MAPKAPK5: variants seen among roughly 807,000 people sequenced by gnomAD.
MAPKAPK5 encodes the protein MAPK activated protein kinase 5, also known as MAP kinase-activated protein kinase 5.
In MAPKAPK5, 30 loss-of-function variants were observed where a neutral mutation model predicts 65.1. The observed-to-expected ratio is 0.46, with a 90% CI of 0.34 to 0.63. The LOEUF is 0.63. MAPKAPK5 is among the 20% of genes least tolerant of loss of function. The probability of loss-of-function intolerance (pLI) is 0.01; values close to 1 mark genes in which losing one functional copy is unlikely to be tolerated. For missense variants in MAPKAPK5, 433 were observed against 581.4 expected (o/e 0.74, Z 2.63); for synonymous variants, 179 against 204.6 (o/e 0.87, Z 1.07).
intron 1 of MAPKAPK5, among the ~76,000 whole-genome samples, chr12:111,850,753 G>A (rs772318409): frequency 1.1e-4 from 16 of 152,308 alleles, no homozygotes; most frequent in Admixed American, 2.0e-4. Flanking sequence ...GTTAACTGCC[G>A]TTTTGTGTAA....
chr12:111,862,379 G>C (rs1056734544), intron 1 of MAPKAPK5, among the ~76,000 whole-genome samples: 3 of 152,168 alleles, frequency 2.0e-5, no homozygotes, highest in Non-Finnish European at 4.4e-5. Context: ...TTTCTTGGCT[G>C]TCCATCAGGT....
chr12:111,850,777 T>A (rs1218400264), intron 1 of MAPKAPK5, among the ~76,000 whole-genome samples: 1 of 152,214 alleles, frequency 6.6e-6, no homozygotes, highest in Admixed American at 6.5e-5. Flanking sequence ...CAGTCAAGTT[T>A]ATGATCAGGA....
At position 111,896,514 on chromosome 12, in the gene MAPKAPK5, A is replaced by G. The variant is rs1486125527; in HGVS notation, c.*3453A>G. On this transcript the variant is annotated 3_prime_UTR_variant, in exon 14 of 14. Transcript: ENST00000550735. ...GTCCAGCAGTAAATTCTGCTTTAAC[A>G]TAACTGTCAGGTTTGCTACTCGAAA... is the stretch of plus-strand genomic sequence containing the variant. The G allele has an allele frequency of 2.6e-5, 4 of 152,234 alleles. No homozygotes were observed. Among genetic ancestry groups the G allele is most frequent in the Non-Finnish European group, 4.4e-5 (3 of 68,046 alleles). 9.4% of individuals were successfully genotyped at this position (152,234 alleles called of 1,614,324 possible). A position where few individuals can be genotyped will look rare whatever the true frequency, so the allele number is the denominator to read the frequency against.
intron 3 of MAPKAPK5, 94 bp downstream of exon 3, chr12:111,866,325 T>C (rs879027189): frequency 9.0e-7 from 1 of 1,114,532 alleles, no homozygotes; most frequent in Non-Finnish European, 1.3e-6. Context: ...AATACAGTGA[T>C]GCATAAAAAG....
At chr12:111,876,877 A>G (rs2069993292) in intron 7 of MAPKAPK5, among the ~76,000 whole-genome samples, 1 of 150,242 alleles carries the variant, frequency 6.7e-6, no homozygotes, top group Admixed American at 6.6e-5. Flanking sequence ...TGTTTTCCAT[A>G]GTGGTCATAC....
intron 7 of MAPKAPK5, among the ~76,000 whole-genome samples, chr12:111,876,321 T>C (rs561077733): frequency 3.3e-5 from 5 of 151,432 alleles, no homozygotes; most frequent in Admixed American, 1.3e-4. Context: ...AGGGTGAGGA[T>C]CAAAAAACTA....
At chr12:111,890,692 C>A (rs1239538025) in intron 13 of MAPKAPK5, among the ~76,000 whole-genome samples, 1 of 152,214 alleles carries the variant, frequency 6.6e-6, no homozygotes, top group African/African-American at 2.4e-5. Flanking sequence ...GAGTTTCACT[C>A]TGTCCCTCAG....
chr12:111,858,969 C>T (rs1453287744), intron 1 of MAPKAPK5, among the ~76,000 whole-genome samples: 1 of 147,044 alleles, frequency 6.8e-6, no homozygotes, highest in Non-Finnish European at 1.5e-5. Flanking sequence ...TTTTTTACTT[C>T]GTCATCAGTT....
At chr12:111,848,487 C>T (rs1179866298) in intron 1 of MAPKAPK5, among the ~76,000 whole-genome samples, 2 of 149,292 alleles carry the variant, frequency 1.3e-5, no homozygotes, top group African/African-American at 5.0e-5. Context: ...GATCTCGGCT[C>T]ACTGCAACCA....
Position 111,899,916 on chromosome 12 carries a change from C to T in MAPKAPK5, c.*6855C>T, listed in dbSNP as rs752127014. Reference sequence around the variant, plus strand: ...CTGGCAACAAGGGAGCAGGAAGCCTCATGATCTACAGGCACTGTCCTACTT... The same window carrying T: ...CTGGCAACAAGGGAGCAGGAAGCCTTATGATCTACAGGCACTGTCCTACTT... On this transcript the variant is annotated 3_prime_UTR_variant, in exon 14 of 14. Transcript: ENST00000550735. The T allele has an allele frequency of 2.2e-6, 1 of 456,082 alleles. No homozygotes were observed. Among genetic ancestry groups the T allele is most frequent in the Non-Finnish European group, 4.4e-6 (1 of 226,792 alleles). The allele number at this position is 456,082 out of a possible 1,614,324, so 28.3% of individuals were successfully genotyped here. A position where few individuals can be genotyped will look rare whatever the true frequency, so the allele number is the denominator to read the frequency against.
chr12:111,891,012 C>T (rs2070585151), intron 13 of MAPKAPK5, among the ~76,000 whole-genome samples: 1 of 152,142 alleles, frequency 6.6e-6, no homozygotes, highest in Admixed American at 6.5e-5. Context: ...TAGACTTATG[C>T]TCCAGGATGC....
chr12:111,887,003 CAGATT>C (rs1302940561), intron 10 of MAPKAPK5, among the ~76,000 whole-genome samples: 1 of 152,072 alleles, frequency 6.6e-6, no homozygotes, highest in Non-Finnish European at 1.5e-5. Flanking sequence ...ATAACATTGA[CAGATT>C]AGGAAGGAGG....
intron 2 of MAPKAPK5, 39 bp downstream of exon 2, chr12:111,865,362 C>T (rs779171763): frequency 2.1e-5 from 30 of 1,422,314 alleles, no homozygotes; most frequent in Non-Finnish European, 2.7e-5. Flanking sequence ...AAATTGTTGG[C>T]ATGTGCAAAC....
chr12:111,858,011 A>G (rs936759760), intron 1 of MAPKAPK5, among the ~76,000 whole-genome samples: 1 of 151,538 alleles, frequency 6.6e-6, no homozygotes, highest in Admixed American at 6.6e-5. Context: ...CAACCCTCCT[A>G]CCTCAGCCTA....
At chr12:111,851,775 C>T (rs1420610265) in intron 1 of MAPKAPK5, among the ~76,000 whole-genome samples, 1 of 152,210 alleles carries the variant, frequency 6.6e-6, no homozygotes, top group African/African-American at 2.4e-5. Context: ...GCCATCAGGC[C>T]TGAAACAATA....
rs2070865935 is a variant in MAPKAPK5, at chr12:111,897,572, TC to T, written c.*4512del. The T allele has an allele frequency of 3.3e-5, 5 of 152,184 alleles. No individual in the cohort carries two copies. The highest frequency in any genetic ancestry group is 6.5e-5 in the Admixed American group (1 of 15,268). The allele number at this position is 152,184 out of a possible 1,614,324, so 9.4% of individuals were successfully genotyped here. On this transcript the variant is annotated 3_prime_UTR_variant, in exon 14 of 14. Coordinates refer to ENST00000550735, the MANE Select transcript of MAPKAPK5 (RefSeq NM_003668.4). ...TAAGAAACAGGGAAACACCCTAAAATCTGTGATAATTTTCAAAATACAATTT... is the reference window on the plus strand; with the variant it reads ...TAAGAAACAGGGAAACACCCTAAAATTGTGATAATTTTCAAAATACAATTT...
At chr12:111,865,834 C>CAA (rs1157723498) in intron 2 of MAPKAPK5, among the ~76,000 whole-genome samples, 1,793 of 56,644 alleles carry the variant, frequency 0.032, 35 homozygotes, top group Non-Finnish European at 0.052. Context: ...GATTCTGTCT[C>CAA]AAAAAAAAAA....
chr12:111,877,595 C>G (rs1031581691), intron 7 of MAPKAPK5, among the ~76,000 whole-genome samples: 10 of 152,290 alleles, frequency 6.6e-5, no homozygotes, highest in African/African-American at 2.2e-4. Flanking sequence ...AGTGTCTGTT[C>G]AGACCTTTTC....
At chr12:111,859,010 T>C (rs949272149) in intron 1 of MAPKAPK5, among the ~76,000 whole-genome samples, 4 of 147,898 alleles carry the variant, frequency 2.7e-5, no homozygotes, top group East Asian at 2.1e-4. Flanking sequence ...TTAAAATAGT[T>C]GCTTTTAAGT....
Sources: gnomAD v4.1 joint callset for allele counts (sites outside exome capture counted in the v4.1 genomes callset) on GRCh38, gnomAD v4.1.1 for gene constraint, MANE v1.5 for transcripts, NCBI Gene and HGNC (gene_info 2026-07-23, HGNC 2026-07-21) for gene names.